Variants in NEXN observed in about 807,000 individuals in gnomAD.
NEXN encodes nexilin.
NEXN carries 65 observed loss-of-function variants against 92.6 expected under a neutral mutation model. The observed-to-expected ratio is 0.70, with a 90% CI of 0.57 to 0.86. NEXN has a LOEUF of 0.86. NEXN is among the 40% of genes least tolerant of loss of function. The pLI is 0.00. For synonymous variants in NEXN, 254 were observed against 242.5 expected (o/e 1.05, Z -0.44); for missense variants, 778 against 771.1 (o/e 1.01, Z -0.11).
At chr1:77,898,898 C>T (rs950735398) in intron 1 of NEXN, among the ~76,000 whole-genome samples, 2 of 152,130 alleles carry the variant, frequency 1.3e-5, no homozygotes, top group African/African-American at 2.4e-5. Flanking sequence ...CCAAAAAACA[C>T]ATGAAAAAAT....
intron 11 of NEXN, among the ~76,000 whole-genome samples, chr1:77,941,284 T>C (rs1651282802): frequency 6.6e-6 from 1 of 152,110 alleles, no homozygotes; most frequent in Non-Finnish European, 1.5e-5. Context: ...TTAGAAACCA[T>C]GAATTAACTA....
chr1:77,918,306 T>C (rs201622005), intron 5 of NEXN, 33 bp downstream of exon 5: 631 of 1,607,152 alleles, frequency 3.9e-4, no homozygotes, highest in Non-Finnish European at 5.3e-4. Context: ...TATTTGTTTC[T>C]GAAACTAACT....
At chr1:77,930,021 A>G (rs2102135465) in intron 9 of NEXN, among the ~76,000 whole-genome samples, 1 of 152,218 alleles carries the variant, frequency 6.6e-6, no homozygotes, top group Admixed American at 6.5e-5. Context: ...TTGATACCTA[A>G]CTTAACTGTC....
chr1:77,929,804 G>A (rs1285564574), intron 9 of NEXN, among the ~76,000 whole-genome samples: 6 of 152,218 alleles, frequency 3.9e-5, no homozygotes, highest in African/African-American at 1.4e-4. Flanking sequence ...AGAAGAAGAA[G>A]TAGGGAGTTT....
intron 1 of NEXN, among the ~76,000 whole-genome samples, chr1:77,907,800 C>T (rs1239687423): frequency 6.6e-6 from 1 of 152,116 alleles, no homozygotes; most frequent in Non-Finnish European, 1.5e-5. Flanking sequence ...TAATTATTCA[C>T]TGTCAGTAAG....
At position 77,890,305 on chromosome 1, in the gene NEXN, C is replaced by T. The variant is rs1557954149; in HGVS notation, c.-53+1546C>T. Among the ~76,000 whole-genome samples the T allele has an allele frequency of 5.3e-5, 8 of 152,292 alleles. No homozygotes were observed. The South Asian group carries it at 1.2e-3, about 24-fold the overall frequency. On this transcript the variant is annotated intron_variant, in intron 1 of 12. Coordinates refer to ENST00000334785, the MANE Select transcript of NEXN (RefSeq NM_144573.4). The stretch of plus-strand genomic sequence containing the variant: ...AAAGAATTCTAAGCTAAAACCACAA[C>T]AAAATTATTTTAAATCCAGTTTTCC...
chr1:77,928,482 C>T (rs1650041222), intron 8 of NEXN, among the ~76,000 whole-genome samples: 2 of 151,680 alleles, frequency 1.3e-5, no homozygotes, highest in South Asian at 4.2e-4. Flanking sequence ...AATATCTGCA[C>T]ATTTTAGATA....
intron 1 of NEXN, among the ~76,000 whole-genome samples, chr1:77,906,247 G>C (rs576959014): frequency 6.6e-6 from 1 of 152,174 alleles, no homozygotes; most frequent in Admixed American, 6.5e-5. Flanking sequence ...CATTTTATTT[G>C]GCAATATAAT....
chr1:77,912,215 T>G (rs1296821480), intron 1 of NEXN, among the ~76,000 whole-genome samples: 5 of 152,076 alleles, frequency 3.3e-5, no homozygotes, highest in African/African-American at 1.2e-4. Context: ...TATAAACAAC[T>G]ATGAAATTAT....
At position 77,942,873 on chromosome 1, in the gene NEXN, A is replaced by C. The variant is rs1446973857; in HGVS notation, c.*44A>C. On this transcript the variant is annotated 3_prime_UTR_variant, in exon 13 of 13. Coordinates refer to ENST00000334785, the MANE Select transcript of NEXN (RefSeq NM_144573.4). ...ATTCTATTAATTTTTTTTTCCTTAA[A>C]ATCACTTTTCTTCTTCTCTTTTTTA... 1 of 1,551,762 alleles carries C rather than the reference A, an allele frequency of 6.4e-7. No individual in the cohort carries two copies. Among genetic ancestry groups the C allele is most frequent in the African/African-American group, 1.4e-5 (1 of 72,506 alleles).
At chr1:77,890,752 A>G (rs1021701903) in intron 1 of NEXN, among the ~76,000 whole-genome samples, 1 of 152,192 alleles carries the variant, frequency 6.6e-6, no homozygotes, top group East Asian at 1.9e-4. Context: ...AAAGACAAAA[A>G]AAAGGGGGAT....
chr1:77,908,517 C>T (rs1157036894), intron 1 of NEXN, among the ~76,000 whole-genome samples: 3 of 151,380 alleles, frequency 2.0e-5, no homozygotes, highest in African/African-American at 7.3e-5. Flanking sequence ...TCTCCTGCCT[C>T]AGCCTCCCGA....
intron 8 of NEXN, 134 bp from the exon 9 acceptor site, chr1:77,929,182 G>A (rs1557984330): frequency 1.6e-6 from 1 of 626,796 alleles, no homozygotes; most frequent in African/African-American, 1.9e-5. Context: ...AAAAAGGAAG[G>A]GGATTTAGGT....
At chr1:77,941,618 T>C in intron 11 of NEXN, 1 of 201,956 alleles carries the variant, frequency 5.0e-6, no homozygotes, top group East Asian at 1.3e-4. Context: ...AGAAGGAAAA[T>C]CATTAAGTGA....
At chr1:77,890,144 A>C (rs966303410) in intron 1 of NEXN, among the ~76,000 whole-genome samples, 9 of 152,176 alleles carry the variant, frequency 5.9e-5, no homozygotes, top group Admixed American at 5.9e-4. Flanking sequence ...TTGATTAACC[A>C]ATGTAGCTGT....
At chr1:77,901,455 A>G (rs564489113) in intron 1 of NEXN, among the ~76,000 whole-genome samples, 109 of 152,306 alleles carry the variant, frequency 7.2e-4, no homozygotes, top group Non-Finnish European at 8.8e-5. Flanking sequence ...ACCTATTGTT[A>G]TTATCCATAT....
intron 1 of NEXN, among the ~76,000 whole-genome samples, chr1:77,890,893 A>G (rs556449305): frequency 3.5e-4 from 54 of 152,312 alleles, no homozygotes; most frequent in African/African-American, 1.2e-3. Context: ...ATAGTTATGT[A>G]GGCCACACAC....
At chr1:77,905,371 G>C (rs1447491770) in intron 1 of NEXN, among the ~76,000 whole-genome samples, 2 of 151,916 alleles carry the variant, frequency 1.3e-5, no homozygotes, top group African/African-American at 4.8e-5. Flanking sequence ...TGTTCATAAA[G>C]TGATTCACCT....
chr1:77,927,157 C>A (rs1222704642), intron 8 of NEXN, among the ~76,000 whole-genome samples: 1 of 151,964 alleles, frequency 6.6e-6, no homozygotes, highest in Non-Finnish European at 1.5e-5. Flanking sequence ...TCCCTGTAAT[C>A]CCAGCTGCTT....
Sources: gnomAD v4.1 joint callset for allele counts (sites outside exome capture counted in the v4.1 genomes callset) on GRCh38, gnomAD v4.1.1 for gene constraint, MANE v1.5 for transcripts, NCBI Gene and HGNC (gene_info 2026-07-23, HGNC 2026-07-21) for gene names.